Variants in GALNT1 observed in about 807,000 individuals in gnomAD.
The protein encoded by GALNT1 is polypeptide N-acetylgalactosaminyltransferase 1.
Under a neutral mutation model 65.7 loss-of-function variants are expected in GALNT1, and 17 were observed. That is an observed-to-expected ratio of 0.26 (90% CI 0.18 to 0.39). The LOEUF (loss-of-function observed/expected upper bound fraction) is 0.39, where lower values mean the gene tolerates loss of function less well. Among genes scored for constraint, GALNT1 ranks in the 10% least tolerant of loss-of-function variants. The pLI is 1.00. For missense variants in GALNT1, 460 were observed against 672.8 expected (o/e 0.68, Z 3.50); for synonymous variants, 210 against 219.7 (o/e 0.96, Z 0.39).
intron 4 of GALNT1, among the ~76,000 whole-genome samples, chr18:35,680,921 C>T (rs1321665696): frequency 6.6e-6 from 1 of 152,104 alleles, no homozygotes; most frequent in African/African-American, 2.4e-5. Context: ...ATTTTCATCT[C>T]AGAAAGTTAT....
At chr18:35,695,373 G>A (rs1321909661) in intron 9 of GALNT1, among the ~76,000 whole-genome samples, 2 of 152,128 alleles carry the variant, frequency 1.3e-5, no homozygotes, top group Non-Finnish European at 2.9e-5. Context: ...GAAACTGGCA[G>A]TTTGTGGTGG....
intron 1 of GALNT1, among the ~76,000 whole-genome samples, chr18:35,608,313 T>G (rs1228210612): frequency 6.6e-6 from 1 of 152,206 alleles, no homozygotes; most frequent in Non-Finnish European, 1.5e-5. Flanking sequence ...CTTTGCATGC[T>G]TATTAAATTT....
intron 1 of GALNT1, among the ~76,000 whole-genome samples, chr18:35,601,542 T>A (rs1469882518): frequency 6.6e-6 from 1 of 152,206 alleles, no homozygotes; most frequent in Non-Finnish European, 1.5e-5. Context: ...TTATTTGAAA[T>A]CTTTCTACTG....
intron 9 of GALNT1, among the ~76,000 whole-genome samples, chr18:35,692,774 T>G (rs1485283664): frequency 6.6e-6 from 1 of 152,112 alleles, no homozygotes; most frequent in Non-Finnish European, 1.5e-5. Context: ...TAGAAATCAA[T>G]AGAAGGACAA....
At chr18:35,660,579 A>G (rs1833453412) in intron 2 of GALNT1, among the ~76,000 whole-genome samples, 1 of 152,100 alleles carries the variant, frequency 6.6e-6, no homozygotes, top group East Asian at 1.9e-4. Context: ...TGACATCCAA[A>G]CTCATTTCAG....
intron 1 of GALNT1, among the ~76,000 whole-genome samples, chr18:35,651,579 TCTGA>T (rs2144369392): frequency 6.6e-6 from 1 of 152,340 alleles, no homozygotes; most frequent in Non-Finnish European, 1.5e-5. Flanking sequence ...TCTCTTCAGC[TCTGA>T]CTCTTTTCCC....
intron 7 of GALNT1, 36 bp downstream of exon 7, chr18:35,689,326 A>ACTTCAAGTATAGATGTGCATTGATTATT: frequency 8.5e-7 from 1 of 1,177,802 alleles, no homozygotes; most frequent in Non-Finnish European, 1.3e-6. Context: ...CTTTTATTTA[A>ACTTCAAGTATAGATGTGCATTGATTATT]CTTCAAGTAT....
At chr18:35,630,466 T>G (rs1159730968) in intron 1 of GALNT1, among the ~76,000 whole-genome samples, 3 of 152,042 alleles carry the variant, frequency 2.0e-5, no homozygotes, top group African/African-American at 4.8e-5. Flanking sequence ...GGGTACATAA[T>G]GAAATGAAGG....
rs529666048 is a variant in GALNT1 at position 35,590,785 on chromosome 18, A to G, written c.-104+8923A>G. ...TTACAAGTCCCCATGCGTGGCAGGG[A>G]CTGTAAAAAAAGGTAGGAAGGCAGC... On this transcript the variant is annotated intron_variant, in intron 1 of 11. Coordinates refer to ENST00000269195, the MANE Select transcript of GALNT1 (RefSeq NM_020474.4). Among the ~76,000 whole-genome samples, 144 of 152,306 alleles carry G rather than the reference A, an allele frequency of 9.5e-4. 1 individual carries two copies. Among genetic ancestry groups the G allele is most frequent in the African/African-American group, 3.0e-3 (125 of 41,564 alleles).
At chr18:35,665,037 A>G (rs2047529235) in intron 3 of GALNT1, among the ~76,000 whole-genome samples, 2 of 152,244 alleles carry the variant, frequency 1.3e-5, no homozygotes, top group Non-Finnish European at 2.9e-5. Context: ...ACCCTTATGG[A>G]AACTCATAGT....
At chr18:35,685,708 C>T (rs368496471) in intron 5 of GALNT1, among the ~76,000 whole-genome samples, 2 of 152,088 alleles carry the variant, frequency 1.3e-5, no homozygotes, top group East Asian at 1.9e-4. Context: ...GTGAAGAAAA[C>T]GAATCTATAC....
intron 1 of GALNT1, among the ~76,000 whole-genome samples, chr18:35,603,414 A>G (rs2046606234): frequency 6.6e-6 from 1 of 151,916 alleles, no homozygotes; most frequent in East Asian, 1.9e-4. Context: ...GTTCTGGGGT[A>G]TTGCTGGTGA....
At chr18:35,691,450 A>T (rs1215609514) in intron 8 of GALNT1, among the ~76,000 whole-genome samples, 2 of 152,180 alleles carry the variant, frequency 1.3e-5, no homozygotes, top group African/African-American at 4.8e-5. Context: ...TATTTTTTTT[A>T]AAACCTAACT....
At chr18:35,690,277 C>T (rs1319681904) in intron 7 of GALNT1, among the ~76,000 whole-genome samples, 1 of 151,956 alleles carries the variant, frequency 6.6e-6, no homozygotes, top group Non-Finnish European at 1.5e-5. Flanking sequence ...CACTGAAGAA[C>T]TTACAATGGA....
At chr18:35,637,360 T>A (rs1473025290) in intron 1 of GALNT1, among the ~76,000 whole-genome samples, 1 of 152,216 alleles carries the variant, frequency 6.6e-6, no homozygotes, top group Non-Finnish European at 1.5e-5. Context: ...AAGGAAGAGT[T>A]CTTGAAGGAA....
At chr18:35,598,841 C>T (rs1270964846) in intron 1 of GALNT1, among the ~76,000 whole-genome samples, 1 of 152,114 alleles carries the variant, frequency 6.6e-6, no homozygotes, top group Non-Finnish European at 1.5e-5. Flanking sequence ...ATTTACATTC[C>T]CACCAACAGC....
At position 35,632,589 on chromosome 18, in the gene GALNT1, G is replaced by T. The variant is rs1253457563; in HGVS notation, c.-103-21971G>T. Reference sequence around the variant, plus strand: ...GACTTAAATGTCAGACCTAAAACCAGAAAAACCCTAGAAGAAAACCAAGGC... The same window carrying T: ...GACTTAAATGTCAGACCTAAAACCATAAAAACCCTAGAAGAAAACCAAGGC... On this transcript the variant is annotated intron_variant, in intron 1 of 11. Transcript: ENST00000269195. Among the ~76,000 whole-genome samples, 10 of 152,134 alleles carry T rather than the reference G, an allele frequency of 6.6e-5. No individual in the cohort carries two copies. In the East Asian group the frequency reaches 1.4e-3, roughly 21 times the overall value.
intron 1 of GALNT1, among the ~76,000 whole-genome samples, chr18:35,623,300 T>C (rs578041334): frequency 1.2e-4 from 19 of 152,152 alleles, no homozygotes; most frequent in African/African-American, 1.7e-4. Context: ...CCTTTTTTTT[T>C]CCCCTGTACA....
chr18:35,677,684 C>T lies in GALNT1; in HGVS notation c.408C>T (p.Val136=), dbSNP rs142505446. The T allele has an allele frequency of 5.1e-4, 815 of 1,612,818 alleles. 3 individuals carry two copies. The African/African-American group carries it at 9.5e-3, about 19-fold the overall frequency. Residue 136 remains valine, a synonymous_variant, in exon 4 of 12, where the codon GTC becomes GTT. Coordinates refer to ENST00000269195, the MANE Select transcript of GALNT1 (RefSeq NM_020474.4). ...CTTGGAGCACACTTCTGCGAACTGT[C>T]CATAGTGTCATTAATCGCTCACCAA... ...NEAWSTLLRT[V]HSVINRSPRH...
Sources: allele counts gnomAD v4.1 joint callset (sites outside exome capture counted in the v4.1 genomes callset), GRCh38; gene constraint gnomAD v4.1.1; transcripts MANE v1.5; gene names NCBI Gene and HGNC (gene_info 2026-07-23, HGNC 2026-07-21).